Variants in IFT122 observed in about 807,000 individuals in gnomAD.
IFT122 encodes intraflagellar transport protein 122 homolog.
In IFT122, 118 loss-of-function variants were observed where a neutral mutation model predicts 161.6. That is an observed-to-expected ratio of 0.73 (90% CI 0.63 to 0.85). The LOEUF is 0.85. Ranked by LOEUF, IFT122 falls within the 40% of genes least tolerant of loss-of-function variation. IFT122 has a pLI of 0.00. For synonymous variants in IFT122, 550 were observed against 602.4 expected (o/e 0.91, Z 1.27); for missense variants, 1,381 against 1,579.6 (o/e 0.87, Z 2.13).
intron 16 of IFT122, among the ~76,000 whole-genome samples, chr3:129,490,268 A>G (rs548013252): frequency 6.6e-6 from 1 of 152,250 alleles, no homozygotes; most frequent in South Asian, 2.1e-4. Flanking sequence ...GGATGTTACT[A>G]TTTCATCTAA....
chr3:129,473,313 C>A (rs2077555887), intron 9 of IFT122, among the ~76,000 whole-genome samples: 1 of 152,190 alleles, frequency 6.6e-6, no homozygotes, highest in Non-Finnish European at 1.5e-5. Context: ...AACAAAAATT[C>A]TTATCTGCTA....
rs144972161 is a variant in IFT122 at position 129,495,450 on chromosome 3, G to A, written c.2051G>A (p.Arg684Lys). The change falls in exon 18 of 30, where the codon AGG (arginine) becomes AAG (lysine). Residue 684 changes from arginine to lysine, a missense_variant. By Grantham distance (26) the Arg-to-Lys change is conservative. Transcript: ENST00000348417. Reference protein sequence around the residue: ...YLELISSIEERKKRGETNNDL... With the variant: ...YLELISSIEEKKKRGETNNDL... ...CTTTGCTTCTAATTTTTCCAGGAGA[G>A]GAAGAAGCGGGGAGAGACCAACAAT... The A allele has an allele frequency of 1.2e-6, 2 of 1,614,096 alleles. No homozygotes were observed. Among genetic ancestry groups the A allele is most frequent in the Non-Finnish European group, 8.5e-7 (1 of 1,180,004 alleles).
At position 129,504,371 on chromosome 3, in the gene IFT122, C is replaced by T. The variant is rs147499719; in HGVS notation, c.2600C>T (p.Pro867Leu). Reference protein sequence around the residue: ...HPEFKDDIYMPYAQWLAENDR... With the variant: ...HPEFKDDIYMLYAQWLAENDR... ...GAGTTTAAGGATGACATCTACATGCCGTATGCTCAGTGGCTAGCAGAGAAC... is the reference window on the plus strand; with the variant it reads ...GAGTTTAAGGATGACATCTACATGCTGTATGCTCAGTGGCTAGCAGAGAAC... Residue 867 changes from proline (P) to leucine (L), a missense_variant, in exon 21 of 30, where the codon CCG becomes CTG. Transcript: ENST00000348417. The T allele has an allele frequency of 4.2e-5, 67 of 1,613,940 alleles. No individual in the cohort carries two copies. The highest frequency in any genetic ancestry group is 3.3e-4 in the Middle Eastern group (2 of 6,074).
At position 129,464,729 on chromosome 3, in the gene IFT122, C is replaced by T. The variant is rs1064794186; in HGVS notation, c.511C>T (p.Arg171Trp). ...KNGEEKVKIERPGGSLSPIWS... is the reference protein window; with the variant it reads ...KNGEEKVKIEWPGGSLSPIWS... Reference sequence around the variant, plus strand: ...TGGCGAGGAGAAAGTAAAGATCGAGCGGCCGGGGGGCTCCCTCTCGCCAAT... The same window carrying T: ...TGGCGAGGAGAAAGTAAAGATCGAGTGGCCGGGGGGCTCCCTCTCGCCAAT... The change falls in exon 7 of 30, where the codon CGG becomes TGG. Residue 171 changes from arginine (R) to tryptophan (W), a missense_variant. Transcript: ENST00000348417. 12 of 1,613,912 alleles carry T rather than the reference C, an allele frequency of 7.4e-6. No homozygotes were observed. Among genetic ancestry groups the T allele is most frequent in the Admixed American group, 3.3e-5 (2 of 59,990 alleles).
At chr3:129,514,265 C>A in intron 24 of IFT122, 124 bp from the exon 25 acceptor site, 6 of 1,077,022 alleles carry the variant, frequency 5.6e-6, no homozygotes, top group Non-Finnish European at 8.4e-6. Context: ...TCCTCACGGT[C>A]TTTCCTCTGC....
chr3:129,520,093 T>G, intron 29 of IFT122, 83 bp from the exon 30 acceptor site: 29 of 1,135,808 alleles, frequency 2.6e-5, no homozygotes, highest in Non-Finnish European at 3.5e-5. Context: ...CCCCTCCCCT[T>G]GAGAGGCAGT....
chr3:129,459,061 T>G (rs1464084996), intron 4 of IFT122, among the ~76,000 whole-genome samples: 1 of 152,182 alleles, frequency 6.6e-6, no homozygotes, highest in African/African-American at 2.4e-5. Context: ...CTATTGGGGA[T>G]CTGCCGTGTT....
At chr3:129,456,032 A>G in intron 3 of IFT122, 4 of 446,018 alleles carry the variant, frequency 9.0e-6, no homozygotes, top group South Asian at 6.3e-5. Flanking sequence ...GGTCAACTGT[A>G]TGTACACATG....
chr3:129,449,950 CT>C lies in IFT122; in HGVS notation c.108+15del. 6.3e-7 allele frequency: 1 copy of C among 1,583,658 alleles called. No individual in the cohort carries two copies. Among genetic ancestry groups the C allele is most frequent in the Non-Finnish European group, 8.7e-7 (1 of 1,153,064 alleles). ...AAGCAGATTACTGGTAGGATTTTGT[CT>C]TAGTTTCCTCTTAAAGTGCTTCCCT... On this transcript the variant is annotated intron_variant, in intron 2 of 29. Transcript: ENST00000348417.
intron 7 of IFT122, among the ~76,000 whole-genome samples, chr3:129,466,124 A>G (rs2076747667): frequency 6.6e-6 from 1 of 152,090 alleles, no homozygotes; most frequent in Admixed American, 6.5e-5. Context: ...TGCTCTTTAT[A>G]TATCCTATAA....
intron 26 of IFT122, among the ~76,000 whole-genome samples, chr3:129,516,286 G>GCACACA (rs375077150): frequency 2.7e-4 from 24 of 89,678 alleles, no homozygotes; most frequent in African/African-American, 1.2e-3. Context: ...GATTGCTCCT[G>GCACACA]CACACACACA....
chr3:129,514,783 A>T (rs921925474), intron 25 of IFT122: 5 of 623,982 alleles, frequency 8.0e-6, no homozygotes, highest in Non-Finnish European at 1.4e-5. Context: ...CCCCGGCCTC[A>T]GCCCTCAGCC....
At chr3:129,476,625 C>T in intron 10 of IFT122, 38 bp from the exon 11 acceptor site, 1 of 1,614,180 alleles carries the variant, frequency 6.2e-7, no homozygotes, top group Non-Finnish European at 8.5e-7. Flanking sequence ...CAGACTTTCT[C>T]CAGAGAGCTG....
chr3:129,482,008 G>T (rs118029711), intron 14 of IFT122, among the ~76,000 whole-genome samples: 1 of 152,370 alleles, frequency 6.6e-6, no homozygotes, highest in East Asian at 1.9e-4. Flanking sequence ...TCTGAGAGGG[G>T]TGTGACGTTG....
At chr3:129,460,410 G>A (rs930168168) in intron 4 of IFT122, among the ~76,000 whole-genome samples, 6 of 151,980 alleles carry the variant, frequency 3.9e-5, no homozygotes, top group Admixed American at 3.3e-4. Context: ...CTGTGTTGTA[G>A]CATGTGTCAG....
At chr3:129,494,015 AG>A (rs1287074185) in intron 17 of IFT122, among the ~76,000 whole-genome samples, 2 of 152,186 alleles carry the variant, frequency 1.3e-5, no homozygotes, top group Non-Finnish European at 2.9e-5. Context: ...ATAATTCCAG[AG>A]AACTGCAGAT....
In IFT122 at chr3:129,479,888, GAGA is replaced by G. The variant is rs1267836428; in HGVS notation, c.1457_1459del (p.Glu486del). 6.2e-7 allele frequency: 1 copy of G among 1,613,930 alleles called. No homozygotes were observed. Among genetic ancestry groups the G allele is most frequent in the Non-Finnish European group, 8.5e-7 (1 of 1,180,010 alleles). ...AAGGTGATCGGTGGCCCTCCTGGAA[GAGA>G]AGGCCTCTTAGTGGGGCTGAAGAAT... On this transcript the variant is annotated inframe_deletion, in exon 13 of 30. Transcript: ENST00000348417.
intron 26 of IFT122, among the ~76,000 whole-genome samples, chr3:129,516,321 GCA>G (rs562463599): frequency 5.7e-5 from 4 of 70,276 alleles, no homozygotes; most frequent in African/African-American, 2.9e-4. Flanking sequence ...GACTGCCCCT[GCA>G]CACACACAGA....
chr3:129,477,532 T>G (rs1261124248), intron 11 of IFT122, among the ~76,000 whole-genome samples: 2 of 152,004 alleles, frequency 1.3e-5, no homozygotes, highest in Non-Finnish European at 2.9e-5. Context: ...CTGTGGTGGT[T>G]GGGGCAAAGC....
Sources: allele counts gnomAD v4.1 joint callset (sites outside exome capture counted in the v4.1 genomes callset), GRCh38; gene constraint gnomAD v4.1.1; transcripts MANE v1.5; gene names NCBI Gene and HGNC (gene_info 2026-07-23, HGNC 2026-07-21).